FGF12: variants seen among roughly 807,000 people sequenced by gnomAD.
The protein encoded by FGF12 is fibroblast growth factor 12.
FGF12 carries 14 observed loss-of-function variants against 23.6 expected under a neutral mutation model. That is an observed-to-expected ratio of 0.59 (90% CI 0.39 to 0.93). The LOEUF (loss-of-function observed/expected upper bound fraction) is 0.93, where lower values mean the gene tolerates loss of function less well. Among genes scored for constraint, FGF12 ranks in the 40% least tolerant of loss-of-function variants. FGF12 has a pLI of 0.00. For missense variants in FGF12, 175 were observed against 217.8 expected, an observed-to-expected ratio of 0.80 and a Z score of 1.24; for synonymous variants, 62 against 77.3, an observed-to-expected ratio of 0.80 and a Z score of 1.04.
chr3:192,166,597 T>C (rs1715174178), intron 5 of FGF12, among the ~76,000 whole-genome samples: 1 of 152,252 alleles, frequency 6.6e-6, no homozygotes, highest in South Asian at 2.1e-4. Flanking sequence ...AATTACTCAA[T>C]ATCTCTGTGT....
intron 2 of FGF12, among the ~76,000 whole-genome samples, chr3:192,453,696 T>C (rs894544222): frequency 1.3e-5 from 2 of 152,212 alleles, no homozygotes; most frequent in African/African-American, 4.8e-5. Context: ...TTGCTTGTTT[T>C]ATTGGGGGAT....
chr3:192,313,293 G>A (rs964505959), intron 4 of FGF12, among the ~76,000 whole-genome samples: 1 of 152,190 alleles, frequency 6.6e-6, no homozygotes, highest in Admixed American at 6.5e-5. Flanking sequence ...AAATGATAGT[G>A]TAAATGGGAT....
At chr3:192,415,732 T>TCACACACACACA (rs572589902) in intron 2 of FGF12, among the ~76,000 whole-genome samples, 3 of 117,946 alleles carry the variant, frequency 2.5e-5, no homozygotes, top group African/African-American at 6.4e-5. Context: ...TCTCTCTCTC[T>TCACACACACACA]CACACACACA....
chr3:192,333,054 G>A (rs6788021), intron 4 of FGF12, among the ~76,000 whole-genome samples: 3,061 of 152,050 alleles, frequency 0.02, 115 homozygotes, highest in African/African-American at 0.071. Flanking sequence ...TCCCTCTTTT[G>A]GCTCAAGATT....
chr3:192,449,118 A>G (rs1031416551), intron 2 of FGF12, among the ~76,000 whole-genome samples: 2 of 152,176 alleles, frequency 1.3e-5, no homozygotes, highest in African/African-American at 2.4e-5. Context: ...CAAGTTATCA[A>G]TTTATTGTGT....
Position 192,507,143 on chromosome 3 carries a change from C to T in FGF12, c.14-146605G>A, listed in dbSNP as rs1018415248. 4.9e-4 allele frequency among the ~76,000 whole-genome samples: 75 copies of T among 152,166 alleles called. 1 individual carries two copies. Among genetic ancestry groups the T allele is most frequent in the African/African-American group, 1.6e-3 (68 of 41,524 alleles). ...TCCTGACCTCGTGATCTGCCCGCCT[C>T]GGCCTCCCAGAGTGCTGGGATTACA... is the stretch of plus-strand genomic sequence containing the variant. On this transcript the variant is annotated intron_variant, in intron 2 of 5. Coordinates refer to ENST00000445105, the MANE Select transcript of FGF12 (RefSeq NM_004113.6).
chr3:192,464,381 T>C lies in FGF12; in HGVS notation c.14-103843A>G, dbSNP rs180850057. ...TAGTTCCCACTTCTAAGTGAGAACA[T>C]AGGATGTTTGGTTTTCTATTCCGGA... is the stretch of plus-strand genomic sequence containing the variant. On this transcript the variant is annotated intron_variant, in intron 2 of 5. Coordinates refer to ENST00000445105, the MANE Select transcript of FGF12 (RefSeq NM_004113.6). 9.0e-4 allele frequency among the ~76,000 whole-genome samples: 134 copies of C among 149,040 alleles called. 1 individual carries two copies. The highest frequency in any genetic ancestry group is 6.8e-3 in the Middle Eastern group (2 of 292).
chr3:192,158,413 T>TC (rs1560171642), intron 5 of FGF12, among the ~76,000 whole-genome samples: 233 of 7,012 alleles, frequency 0.033, 3 homozygotes, highest in African/African-American at 0.075. Context: ...TTTTCTTTCT[T>TC]TCTCTTTCTT....
At chr3:192,703,275 AT>A (rs1718360469) in intron 2 of FGF12, among the ~76,000 whole-genome samples, 1 of 152,244 alleles carries the variant, frequency 6.6e-6, no homozygotes, top group African/African-American at 2.4e-5. Flanking sequence ...TAGAAAAGTT[AT>A]ATTTACATGA....
intron 2 of FGF12, among the ~76,000 whole-genome samples, chr3:192,611,161 G>A (rs1363224167): frequency 6.6e-6 from 1 of 152,016 alleles, no homozygotes; most frequent in Non-Finnish European, 1.5e-5. Flanking sequence ...AAGATGGAGG[G>A]CCAGCTCCAT....
intron 4 of FGF12, among the ~76,000 whole-genome samples, chr3:192,243,979 A>C (rs535116476): frequency 6.6e-6 from 1 of 152,244 alleles, no homozygotes; most frequent in African/African-American, 2.4e-5. Flanking sequence ...CAATATGCTA[A>C]AACCACATAT....
chr3:192,723,716 G>T (rs1322686835), intron 2 of FGF12, among the ~76,000 whole-genome samples: 1 of 151,812 alleles, frequency 6.6e-6, no homozygotes, highest in Non-Finnish European at 1.5e-5. Flanking sequence ...CATTATTAGG[G>T]GTATGGCCTA....
At position 192,443,656 on chromosome 3, in the gene FGF12, A is replaced by G. The variant is rs372247768; in HGVS notation, c.14-83118T>C. ...AGACCTGAGTTCAAAATGTCTCTCA[A>G]TATACCTTATAAGTTATGAAAACAA... On this transcript the variant is annotated intron_variant, in intron 2 of 5. Coordinates refer to ENST00000445105, the MANE Select transcript of FGF12 (RefSeq NM_004113.6). Among the ~76,000 whole-genome samples the G allele has an allele frequency of 2.0e-3, 299 of 152,360 alleles. 1 individual carries two copies. Among genetic ancestry groups the G allele is most frequent in the Middle Eastern group, 3.4e-3 (1 of 294 alleles).
intron 2 of FGF12, among the ~76,000 whole-genome samples, chr3:192,373,935 GCTAAGGAATCTCT>G (rs1475848742): frequency 6.6e-6 from 1 of 152,164 alleles, no homozygotes; most frequent in African/African-American, 2.4e-5. Flanking sequence ...TCTACCCCTA[GCTAAGGAATCTCT>G]CAAACTTATG....
At chr3:192,295,895 T>A (rs1007864916) in intron 4 of FGF12, among the ~76,000 whole-genome samples, 16 of 151,892 alleles carry the variant, frequency 1.1e-4, no homozygotes, top group African/African-American at 3.4e-4. Flanking sequence ...TTATTTTATT[T>A]TTTTTGAGAC....
chr3:192,349,519 T>C (rs1718111925), intron 3 of FGF12, among the ~76,000 whole-genome samples: 1 of 152,082 alleles, frequency 6.6e-6, no homozygotes, highest in Non-Finnish European at 1.5e-5. Context: ...ATAAAAGCAA[T>C]GACTCTCTCT....
At chr3:192,453,589 T>C (rs963572232) in intron 2 of FGF12, among the ~76,000 whole-genome samples, 20 of 152,338 alleles carry the variant, frequency 1.3e-4, no homozygotes, top group Admixed American at 1.1e-3. Flanking sequence ...CTTTAATTCT[T>C]TAAGGTATTA....
At chr3:192,453,217 C>T (rs1722579101) in intron 2 of FGF12, among the ~76,000 whole-genome samples, 1 of 152,100 alleles carries the variant, frequency 6.6e-6, no homozygotes, top group African/African-American at 2.4e-5. Context: ...ACTTCCAAAC[C>T]ATCTATTGGG....
intron 2 of FGF12, among the ~76,000 whole-genome samples, chr3:192,708,415 T>C (rs1352169933): frequency 6.6e-6 from 1 of 152,192 alleles, no homozygotes; most frequent in African/African-American, 2.4e-5. Flanking sequence ...AAAAGTGCTA[T>C]AAAAATTAAA....
Sources: allele counts gnomAD v4.1 joint callset (sites outside exome capture counted in the v4.1 genomes callset), GRCh38; gene constraint gnomAD v4.1.1; transcripts MANE v1.5; gene names NCBI Gene and HGNC (gene_info 2026-07-23, HGNC 2026-07-21).